Variants in UTP14A observed in about 807,000 individuals in gnomAD.
The protein encoded by UTP14A is UTP14A small subunit processome component.
Under a neutral mutation model 57.2 loss-of-function variants are expected in UTP14A, and 5 were observed. That is an observed-to-expected ratio of 0.09 (90% CI 0.05 to 0.18). The LOEUF (loss-of-function observed/expected upper bound fraction) is 0.18. Ranked by LOEUF, UTP14A falls within the 10% of genes least tolerant of loss-of-function variation. The probability of loss-of-function intolerance (pLI) is 1.00; values close to 1 mark genes in which losing one functional copy is unlikely to be tolerated. For missense variants in UTP14A, 430 were observed against 562.1 expected, an observed-to-expected ratio of 0.76 and a Z score of 2.38; for synonymous variants, 169 against 210.9, an observed-to-expected ratio of 0.80 and a Z score of 1.72.
In UTP14A at chrX:129,926,221, CTGT is replaced by C. The variant is rs770993978; in HGVS notation, c.1944-14_1944-12del. On this transcript the variant is annotated splice_polypyrimidine_tract_variant and intron_variant, in intron 13 of 14. Coordinates refer to ENST00000394422, the MANE Select transcript of UTP14A (RefSeq NM_006649.4). The stretch of plus-strand genomic sequence containing the variant: ...TCCTTAATGCTCCTAGTCAGATGTC[CTGT>C]TGTTTTGCTTTCCAGGTTTCTCATT... 33 of 1,207,943 alleles carry C rather than the reference CTGT, an allele frequency of 2.7e-5. No homozygotes were observed. Among genetic ancestry groups the C allele is most frequent in the East Asian group, 5.9e-5 (2 of 33,783 alleles).
chrX:129,914,593 C>CA (rs1453237616), intron 6 of UTP14A, among the ~76,000 whole-genome samples: 10 of 109,652 alleles, frequency 9.1e-5, no homozygotes, highest in African/African-American at 3.3e-4. Context: ...CGCCCTCCCC[C>CA]AAAAAAAAGA....
At chrX:129,908,806 C>G in intron 4 of UTP14A, 72 bp downstream of exon 4, 1 of 1,003,172 alleles carries the variant, frequency 1.0e-6, no homozygotes, top group African/African-American at 1.9e-5. Flanking sequence ...TCACCTCACC[C>G]CCCCTAGGAA....
intron 6 of UTP14A, among the ~76,000 whole-genome samples, chrX:129,914,981 G>C (rs1929625815): frequency 8.9e-6 from 1 of 112,235 alleles, no homozygotes; most frequent in African/African-American, 3.2e-5. Context: ...GAAGGCTAAG[G>C]CGGGTGGATC....
At chrX:129,928,555 A>G (rs1226659741) in intron 14 of UTP14A, among the ~76,000 whole-genome samples, 2 of 109,555 alleles carry the variant, frequency 1.8e-5, no homozygotes, top group African/African-American at 6.6e-5. Context: ...GGAGATCAAG[A>G]CATCCTGGCT....
At chrX:129,917,415 C>T (rs1929731343) in intron 6 of UTP14A, among the ~76,000 whole-genome samples, 1 of 111,948 alleles carries the variant, frequency 8.9e-6, no homozygotes, top group African/African-American at 3.2e-5. Flanking sequence ...AAGAAAACCA[C>T]ACATAATATG....
In UTP14A at chrX:129,924,959, C is replaced by T. The variant is rs1208910746; in HGVS notation, c.1513C>T (p.Pro505Ser). 2 of 1,208,876 alleles carry T rather than the reference C, an allele frequency of 1.7e-6. No homozygotes were observed. The highest frequency in any genetic ancestry group is 1.8e-5 in the African/African-American group (1 of 56,776). The change falls in exon 12 of 15, where the codon CCA becomes TCA. Residue 505 changes from proline to serine, a missense_variant. Physicochemically the swap from Pro to Ser is moderately conservative, Grantham distance 74. Around this residue, in one of 4 missense-constraint regions of UTP14A, gnomAD observed 120 missense variants for 116.8 expected, o/e 1.03. Coordinates refer to ENST00000394422, the MANE Select transcript of UTP14A (RefSeq NM_006649.4). Reference sequence around the variant, plus strand: ...AGAGGAGCCCCTGTTGCTACAGAGACCAGAGAGAGTACAGACGCTGGAAGA... The same window carrying T: ...AGAGGAGCCCCTGTTGCTACAGAGATCAGAGAGAGTACAGACGCTGGAAGA... ...EEEEPLLLQR[P>S]ERVQTLEELE...
chrX:129,923,682 C>T (rs1217894974), intron 11 of UTP14A, among the ~76,000 whole-genome samples: 2 of 111,864 alleles, frequency 1.8e-5, no homozygotes, highest in African/African-American at 6.5e-5. Flanking sequence ...GACTCAGCCA[C>T]AGCAGATTAT....
At position 129,921,698 on chromosome X, in the gene UTP14A, G is replaced by C. The variant is rs975473899; in HGVS notation, c.1348+111G>C. 6 of 856,414 alleles carry C rather than the reference G, an allele frequency of 7.0e-6. No individual in the cohort carries two copies. In the African/African-American group the frequency reaches 1.0e-4, roughly 15 times the overall value. 70.6% of individuals were successfully genotyped at this position (856,414 alleles called of 1,213,427 possible). A position where few individuals can be genotyped will look rare whatever the true frequency, so the allele number is the denominator to read the frequency against. On this transcript the variant is annotated intron_variant, in intron 11 of 14. Transcript: ENST00000394422. ...AAAACTGCATAGTGATTAGGCGCTG[G>C]GGACTTGCAAGAGTGCGTACACTGG...
intron 6 of UTP14A, among the ~76,000 whole-genome samples, chrX:129,916,528 A>C (rs1478941307): frequency 9.0e-6 from 1 of 111,439 alleles, no homozygotes; most frequent in Non-Finnish European, 1.9e-5. Flanking sequence ...CAGCTTATAC[A>C]GGGGGCTAGA....
intron 2 of UTP14A, 35 bp downstream of exon 2, chrX:129,907,477 G>C (rs753363689): frequency 8.9e-7 from 1 of 1,123,359 alleles, no homozygotes; most frequent in Admixed American, 2.3e-5. Context: ...TTCAAAATTA[G>C]GGTAGAGAGC....
chrX:129,920,553 G>A lies in UTP14A; in HGVS notation c.849G>A (p.Leu283=). ...ATCCAGCTGCAGCACTAGAAGAACT[G>A]GAAAAAATTGAAAAGGCCAGAATGA... ...KVNPAAALEE[L]EKIEKARMME... is the part of the protein sequence containing the mutation. Residue 283 remains leucine (L), a synonymous_variant, in exon 9 of 15, where the codon CTG becomes CTA. Transcript: ENST00000394422. 8.3e-7 allele frequency: 1 copy of A among 1,212,058 alleles called. No homozygotes were observed. The highest frequency in any genetic ancestry group is 3.0e-5 in the East Asian group (1 of 33,866).
chrX:129,917,721 G>A (rs1487250042), intron 6 of UTP14A, among the ~76,000 whole-genome samples: 1 of 111,118 alleles, frequency 9.0e-6, no homozygotes, highest in African/African-American at 3.3e-5. Context: ...AAATAGAGAT[G>A]GGGTTTCACC....
chrX:129,908,910 CAAAG>C (rs764789326), intron 4 of UTP14A, among the ~76,000 whole-genome samples, 176 bp downstream of exon 4: 1 of 111,749 alleles, frequency 8.9e-6, no homozygotes, highest in Non-Finnish European at 1.9e-5. Flanking sequence ...TTCCATCTCT[CAAAG>C]AAAGCCTAGA....
intron 12 of UTP14A, among the ~76,000 whole-genome samples, chrX:129,925,608 A>G (rs1292624938): frequency 8.9e-6 from 1 of 112,174 alleles, no homozygotes; most frequent in Admixed American, 9.4e-5. Context: ...TCAGGGATAT[A>G]AGCTGGAGGA....
intron 8 of UTP14A, among the ~76,000 whole-genome samples, chrX:129,920,248 T>C (rs1036577759): frequency 2.7e-5 from 3 of 111,116 alleles, no homozygotes; most frequent in African/African-American, 9.8e-5. Flanking sequence ...AGGAGACTCT[T>C]TGAGCTGCAG....
chrX:129,911,650 A>T (rs1321905757), intron 5 of UTP14A, 116 bp from the exon 6 acceptor site: 2 of 889,208 alleles, frequency 2.2e-6, no homozygotes, highest in African/African-American at 2.0e-5. Context: ...TCCTGATTCT[A>T]GCATCCTGAT....
chrX:129,911,291 A>T, intron 5 of UTP14A, 141 bp downstream of exon 5: 1 of 868,050 alleles, frequency 1.2e-6, no homozygotes, highest in Non-Finnish European at 1.6e-6. Context: ...GATTAAAAAT[A>T]ATCTAGGAGT....
At chrX:129,910,450 C>G (rs1217795954) in intron 4 of UTP14A, among the ~76,000 whole-genome samples, 3 of 111,049 alleles carry the variant, frequency 2.7e-5, no homozygotes, top group Non-Finnish European at 5.7e-5. Context: ...TTTGGGAGGC[C>G]GAGGTGGGCG....
intron 6 of UTP14A, among the ~76,000 whole-genome samples, chrX:129,918,892 A>G (rs376052528): frequency 9.0e-6 from 1 of 110,836 alleles, no homozygotes; most frequent in African/African-American, 3.3e-5. Flanking sequence ...AAAAAGAAAA[A>G]AAAAAACATA....
Sources: allele counts gnomAD v4.1 joint callset (sites outside exome capture counted in the v4.1 genomes callset), GRCh38; gene constraint gnomAD v4.1.1; regional missense constraint gnomAD v4.1.1; transcripts MANE v1.5; gene names NCBI Gene and HGNC (gene_info 2026-07-23, HGNC 2026-07-21).